The following LGSN variants were observed in gnomAD, a reference collection of about 807,000 sequenced individuals.
The protein encoded by LGSN is lengsin.
Under a neutral mutation model 19.5 loss-of-function variants are expected in LGSN, and 21 were observed. The ratio of observed to expected loss-of-function variants is 1.07; its 90% confidence interval spans 0.76 to 1.55. The LOEUF (loss-of-function observed/expected upper bound fraction) is 1.55, where lower values mean the gene tolerates loss of function less well. LGSN is among the 40% of genes most tolerant of loss of function. The pLI, the probability that LGSN is intolerant of heterozygous loss-of-function variation, is 0.00. For missense variants in LGSN, 673 were observed against 608.5 expected (o/e 1.11, Z -1.12); for synonymous variants, 257 against 215.6 (o/e 1.19, Z -1.68).
chr6:63,309,046 A>C (rs1401439258), intron 1 of LGSN, among the ~76,000 whole-genome samples: 1 of 152,214 alleles, frequency 6.6e-6, no homozygotes, highest in Non-Finnish European at 1.5e-5. Flanking sequence ...TGCCACCTTC[A>C]TTATAATAGT....
the LGSN span, among the ~76,000 whole-genome samples, chr6:63,556,652 A>G: frequency 7.2e-5 from 11 of 152,248 alleles, no homozygotes; most frequent in Non-Finnish European, 1.5e-4. Flanking sequence ...AAAGATCAGC[A>G]TGTCACTATC....
chr6:63,530,221 T>C, the LGSN span, among the ~76,000 whole-genome samples: 10 of 152,196 alleles, frequency 6.6e-5, no homozygotes, highest in African/African-American at 1.9e-4. Context: ...CTTAACACTT[T>C]TTTTTCATAC....
chr6:63,509,025 A>G, the LGSN span, among the ~76,000 whole-genome samples: 3 of 151,472 alleles, frequency 2.0e-5, no homozygotes, highest in Non-Finnish European at 4.4e-5. Flanking sequence ...ATTTGTATTC[A>G]TATTATATTT....
the LGSN span, among the ~76,000 whole-genome samples, chr6:63,524,020 C>T: frequency 2.0e-5 from 3 of 151,684 alleles, no homozygotes; most frequent in Admixed American, 6.6e-5. Context: ...CTTGCTCTGT[C>T]GCCCAGGCTG....
At chr6:63,366,620 C>T in the LGSN span, among the ~76,000 whole-genome samples, 18 of 152,190 alleles carry the variant, frequency 1.2e-4, no homozygotes, top group African/African-American at 4.3e-4. Context: ...AAAAAAGAGC[C>T]CGCATTGCCA....
At chr6:63,526,965 C>A in the LGSN span, among the ~76,000 whole-genome samples, 1 of 151,810 alleles carries the variant, frequency 6.6e-6, no homozygotes, top group African/African-American at 2.4e-5. Flanking sequence ...AAAATGATTT[C>A]AAGTTTATCT....
the LGSN span, among the ~76,000 whole-genome samples, chr6:63,523,339 C>A: frequency 6.6e-6 from 1 of 151,940 alleles, no homozygotes; most frequent in Non-Finnish European, 1.5e-5. Flanking sequence ...TCGAGACTAG[C>A]CTGGCCAACA....
At chr6:63,471,296 T>TC in the LGSN span, among the ~76,000 whole-genome samples, 151,934 of 151,934 alleles carry the variant, frequency 1, 75,967 homozygotes, top group Non-Finnish European at 1. Flanking sequence ...GCCTTTTCAA[T>TC]CAGGTGGCAA....
At chr6:63,285,511 TAAGA>T in intron 3 of LGSN, 72 bp downstream of exon 3, 1 of 1,146,424 alleles carries the variant, frequency 8.7e-7, no homozygotes, top group South Asian at 1.5e-5. Context: ...TACAAGAAAA[TAAGA>T]AAGAGTAATA....
the LGSN span, among the ~76,000 whole-genome samples, chr6:63,512,320 T>C: frequency 2.0e-5 from 3 of 152,142 alleles, no homozygotes; most frequent in African/African-American, 7.2e-5. Context: ...TGGCCTTAAG[T>C]GATCTACCTG....
the LGSN span, among the ~76,000 whole-genome samples, chr6:63,488,779 C>T: frequency 6.6e-6 from 1 of 151,770 alleles, no homozygotes; most frequent in Non-Finnish European, 1.5e-5. Flanking sequence ...GATCACGCCA[C>T]TGCACTCCAG....
In LGSN at chr6:63,281,126, C is replaced by T; in HGVS notation, c.425G>A (p.Cys142Tyr). 1 of 1,613,794 alleles carries T rather than the reference C, an allele frequency of 6.2e-7. No individual in the cohort carries two copies. ...DNEMNNIRAT[C>Y]FNSDIVLMPE... ...CATTAGGACTATGTCGCTATTAAAA[C>T]ATGTGGCTCTTATGTTATTCATTTC... is the stretch of plus-strand genomic sequence containing the variant. The change falls in exon 4 of 4, where the codon TGT (cysteine) becomes TAT (tyrosine). Residue 142 changes from cysteine to tyrosine, a missense_variant. Physicochemically the swap from Cys to Tyr is radical, Grantham distance 194. Coordinates refer to ENST00000370657, the MANE Select transcript of LGSN (RefSeq NM_016571.3).
At chr6:63,409,870 T>C in the LGSN span, among the ~76,000 whole-genome samples, 1 of 152,068 alleles carries the variant, frequency 6.6e-6, no homozygotes, top group Non-Finnish European at 1.5e-5. Flanking sequence ...ACCTCATCTC[T>C]ACTAAAAATA....
At chr6:63,409,969 G>A in the LGSN span, among the ~76,000 whole-genome samples, 2 of 152,076 alleles carry the variant, frequency 1.3e-5, no homozygotes, top group African/African-American at 2.4e-5. Flanking sequence ...CACAGGAGGC[G>A]GAGGTTGCAG....
the LGSN span, among the ~76,000 whole-genome samples, chr6:63,487,937 G>A: frequency 3.3e-5 from 5 of 151,112 alleles, no homozygotes; most frequent in South Asian, 2.1e-4. Context: ...CCGAGATCAC[G>A]CCACTGCATT....
chr6:63,562,069 C>A, the LGSN span, among the ~76,000 whole-genome samples: 1 of 152,038 alleles, frequency 6.6e-6, no homozygotes, highest in Non-Finnish European at 1.5e-5. Flanking sequence ...CCAGTGACAC[C>A]CATAAAGTAT....
chr6:63,319,037 C>T (rs1768979585), intron 1 of LGSN, among the ~76,000 whole-genome samples: 1 of 152,194 alleles, frequency 6.6e-6, no homozygotes, highest in African/African-American at 2.4e-5. Flanking sequence ...GTGCCTTCTT[C>T]ACATAGCCTT....
chr6:63,307,439 T>C (rs542369882), intron 1 of LGSN, among the ~76,000 whole-genome samples: 1 of 152,332 alleles, frequency 6.6e-6, no homozygotes, highest in African/African-American at 2.4e-5. Flanking sequence ...AGCAAGGTCC[T>C]GGAGGGCCTG....
chr6:63,463,501 T>C, the LGSN span, among the ~76,000 whole-genome samples: 3 of 152,190 alleles, frequency 2.0e-5, no homozygotes, highest in East Asian at 3.8e-4. Context: ...TATAAATACA[T>C]ATGATGTTCA....
Sources: gnomAD v4.1 joint callset for allele counts (sites outside exome capture counted in the v4.1 genomes callset) on GRCh38, gnomAD v4.1.1 for gene constraint, MANE v1.5 for transcripts, NCBI Gene and HGNC (gene_info 2026-07-23, HGNC 2026-07-21) for gene names.